KIF26B: variants seen among roughly 807,000 people sequenced by gnomAD.
KIF26B encodes the protein kinesin-like protein KIF26B.
A neutral mutation model predicts 151.2 loss-of-function variants in KIF26B; 63 were observed. The observed-to-expected ratio is 0.42, with a 90% CI of 0.34 to 0.51. The LOEUF (loss-of-function observed/expected upper bound fraction) is 0.51. Among genes scored for constraint, KIF26B ranks in the 20% least tolerant of loss-of-function variants. The pLI is 0.07. For synonymous variants in KIF26B, 1,357 were observed against 1,262.1 expected (o/e 1.08, Z -1.59); for missense variants, 2,813 against 2,913.6 (o/e 0.97, Z 0.79).
At chr1:245,262,599 C>T (rs1573740099) in intron 2 of KIF26B, among the ~76,000 whole-genome samples, 1 of 152,104 alleles carries the variant, frequency 6.6e-6, no homozygotes, top group African/African-American at 2.4e-5. Context: ...GGATTACAGG[C>T]ATGCACCTCC....
intron 3 of KIF26B, among the ~76,000 whole-genome samples, chr1:245,405,636 T>G (rs78626715): frequency 2.0e-5 from 3 of 151,826 alleles, no homozygotes; most frequent in Non-Finnish European, 4.4e-5. Flanking sequence ...TTTTTTTTTT[T>G]GTATGCATGA....
In KIF26B at chr1:245,280,313, A is replaced by G. The variant is rs540581755; in HGVS notation, c.466-86521A>G. Among the ~76,000 whole-genome samples the G allele has an allele frequency of 2.0e-4, 30 of 150,536 alleles. No homozygotes were observed. The South Asian group carries it at 4.8e-3, about 24-fold the overall frequency. ...TGGATCATGAGGTCAGGAGATTGAG[A>G]CCATCCTGGCTAACACGGTGAAACC... On this transcript the variant is annotated intron_variant, in intron 2 of 14. Transcript: ENST00000407071.
intron 4 of KIF26B, among the ~76,000 whole-genome samples, chr1:245,506,423 C>G (rs1405521990): frequency 6.6e-6 from 1 of 152,194 alleles, no homozygotes; most frequent in Non-Finnish European, 1.5e-5. Flanking sequence ...TTATAGTTGC[C>G]TATCTGCCCA....
chr1:245,240,804 A>G (rs1344180497), intron 2 of KIF26B, among the ~76,000 whole-genome samples: 1 of 152,162 alleles, frequency 6.6e-6, no homozygotes, highest in Non-Finnish European at 1.5e-5. Context: ...GACCTGCCAG[A>G]GGGAGGCTGG....
chr1:245,192,069 C>A (rs1270460288), intron 2 of KIF26B, among the ~76,000 whole-genome samples: 2 of 151,892 alleles, frequency 1.3e-5, no homozygotes, highest in Non-Finnish European at 2.9e-5. Flanking sequence ...ATCCTAACTA[C>A]CAGGATTAAT....
intron 3 of KIF26B, among the ~76,000 whole-genome samples, chr1:245,416,272 C>T (rs1290311765): frequency 8.2e-6 from 1 of 122,496 alleles, no homozygotes; most frequent in African/African-American, 3.3e-5. Flanking sequence ...AAGAGCGAAA[C>T]TCTGTCTCAA....
At chr1:245,349,683 A>C (rs1672527284) in intron 2 of KIF26B, among the ~76,000 whole-genome samples, 1 of 152,216 alleles carries the variant, frequency 6.6e-6, no homozygotes, top group Non-Finnish European at 1.5e-5. Flanking sequence ...AAAAATGGCC[A>C]GGCATAGTTA....
chr1:245,463,703 G>A (rs1235912074), intron 4 of KIF26B, among the ~76,000 whole-genome samples: 1 of 152,170 alleles, frequency 6.6e-6, no homozygotes, highest in East Asian at 1.9e-4. Flanking sequence ...CATCTCCAGG[G>A]CCACCAAAGC....
intron 4 of KIF26B, among the ~76,000 whole-genome samples, chr1:245,483,678 G>C (rs1660218583): frequency 6.6e-6 from 1 of 151,928 alleles, no homozygotes; most frequent in Admixed American, 6.6e-5. Context: ...GGCGTGGGTA[G>C]TGAACTTGTA....
chr1:245,267,756 G>A (rs1670774921), intron 2 of KIF26B, among the ~76,000 whole-genome samples: 1 of 152,032 alleles, frequency 6.6e-6, no homozygotes, highest in African/African-American at 2.4e-5. Flanking sequence ...AACATATTCT[G>A]AGGAATTCTT....
intron 9 of KIF26B, among the ~76,000 whole-genome samples, chr1:245,628,825 T>G (rs965389692): frequency 2.6e-5 from 4 of 152,152 alleles, no homozygotes; most frequent in Non-Finnish European, 5.9e-5. Flanking sequence ...CTGTTTGCAG[T>G]TGACCTGATT....
At chr1:245,309,890 C>A (rs914303172) in intron 2 of KIF26B, among the ~76,000 whole-genome samples, 6 of 142,620 alleles carry the variant, frequency 4.2e-5, no homozygotes, top group Non-Finnish European at 6.1e-5. Flanking sequence ...AAATATATAT[C>A]TCACTATATA....
intron 4 of KIF26B, among the ~76,000 whole-genome samples, chr1:245,530,092 T>C (rs958454031): frequency 3.9e-5 from 6 of 152,238 alleles, no homozygotes; most frequent in Admixed American, 2.0e-4. Context: ...ACATCATTCA[T>C]TGATCATCAT....
intron 2 of KIF26B, among the ~76,000 whole-genome samples, chr1:245,301,941 G>A (rs996681179): frequency 6.6e-6 from 1 of 152,166 alleles, no homozygotes; most frequent in Admixed American, 6.5e-5. Flanking sequence ...CAACCCCCCA[G>A]TTGTTGTTCA....
chr1:245,426,535 G>A (rs1658653541), intron 4 of KIF26B, among the ~76,000 whole-genome samples: 1 of 152,182 alleles, frequency 6.6e-6, no homozygotes, highest in African/African-American at 2.4e-5. Context: ...ATCTTCCATC[G>A]TTGTTTTTGA....
chr1:245,385,270 A>C (rs116323632), intron 3 of KIF26B, among the ~76,000 whole-genome samples: 1,569 of 152,364 alleles, frequency 0.01, 26 homozygotes, highest in African/African-American at 0.036. Flanking sequence ...GTAGAAATTA[A>C]TTAGCTCCTA....
intron 4 of KIF26B, among the ~76,000 whole-genome samples, chr1:245,469,377 C>T (rs1659860677): frequency 6.6e-6 from 1 of 152,184 alleles, no homozygotes; most frequent in Non-Finnish European, 1.5e-5. Flanking sequence ...CATTAACTGG[C>T]TTTAATGTAG....
intron 2 of KIF26B, among the ~76,000 whole-genome samples, chr1:245,231,142 T>C (rs1264376700): frequency 6.6e-6 from 1 of 152,060 alleles, no homozygotes; most frequent in Non-Finnish European, 1.5e-5. Context: ...GAAAAAGTGA[T>C]ATATAAGCTA....
At chr1:245,348,730 C>A (rs1672507511) in intron 2 of KIF26B, among the ~76,000 whole-genome samples, 1 of 152,174 alleles carries the variant, frequency 6.6e-6, no homozygotes. Flanking sequence ...GTCTCTCTGG[C>A]CTCATGTCCA....
Sources: gnomAD v4.1 joint callset for allele counts (sites outside exome capture counted in the v4.1 genomes callset) on GRCh38, gnomAD v4.1.1 for gene constraint, MANE v1.5 for transcripts, NCBI Gene and HGNC (gene_info 2026-07-23, HGNC 2026-07-21) for gene names.